PZP: variants seen among roughly 807,000 people sequenced by gnomAD.
PZP encodes the protein PZP alpha-2-macroglobulin like.
A neutral mutation model predicts 179.8 loss-of-function variants in PZP; 150 were observed. The observed-to-expected ratio is 0.83, with a 90% CI of 0.73 to 0.96. PZP has a LOEUF of 0.96. Ranked by LOEUF, PZP falls within the 40% of genes least tolerant of loss-of-function variation. PZP has a pLI of 0.00. For missense variants in PZP, 1,689 were observed against 1,764.0 expected (o/e 0.96, Z 0.76); for synonymous variants, 624 against 652.3 (o/e 0.96, Z 0.66).
At chr12:9,207,176 C>T (rs1944476432) in intron 1 of PZP, among the ~76,000 whole-genome samples, 1 of 152,176 alleles carries the variant, frequency 6.6e-6, no homozygotes. Context: ...ACACACAGAG[C>T]AGAGGGACCC....
chr12:9,151,179 C>T (rs1940327264), intron 33 of PZP, among the ~76,000 whole-genome samples: 1 of 152,104 alleles, frequency 6.6e-6, no homozygotes, highest in African/African-American at 2.4e-5. Flanking sequence ...AGAATGTTAA[C>T]ATTATCATTA....
the PZP span, among the ~76,000 whole-genome samples, chr12:9,142,883 T>G: frequency 6.6e-6 from 1 of 152,188 alleles, no homozygotes; most frequent in African/African-American, 2.4e-5. Flanking sequence ...TGTGGCAACT[T>G]TTCTGTTTTC....
At position 9,203,806 on chromosome 12, in the gene PZP, C is replaced by A; in HGVS notation, c.229G>T (p.Val77Leu). The A allele has an allele frequency of 6.2e-7, 1 of 1,614,132 alleles. No homozygotes were observed. Among genetic ancestry groups the A allele is most frequent in the Non-Finnish European group, 8.5e-7 (1 of 1,180,032 alleles). The part of the protein sequence containing the change: ...RENRSLFTDL[V>L]AEKDLFHCVS... The stretch of plus-strand genomic sequence containing the variant: ...CAGTGGAATAAGTCCTTCTCCGCCA[C>A]CAGGTCAGTGAAGAGGCTCCTGTTT... The change falls in exon 2 of 36, where the codon GTG (valine) becomes TTG (leucine). Residue 77 changes from valine (V) to leucine (L), a missense_variant. Physicochemically the swap from Val to Leu is conservative, Grantham distance 32 (BLOSUM62 1). This residue lies in a region of PZP where 742 missense variants were observed against 730.5 expected (regional missense o/e 1.02). Transcript: ENST00000261336.
intron 17 of PZP, chr12:9,167,257 C>A (rs1444669238): frequency 6.6e-6 from 1 of 152,204 alleles, no homozygotes; most frequent in African/African-American, 2.4e-5. Context: ...CCAGTTATTG[C>A]AGTTAACAAA....
At position 9,154,685 on chromosome 12, in the gene PZP, G is replaced by T. The variant is rs371311040; in HGVS notation, c.3705C>A (p.Thr1235=). 42 of 1,614,080 alleles carry T rather than the reference G, an allele frequency of 2.6e-5. No homozygotes were observed. Among genetic ancestry groups the T allele is most frequent in the Non-Finnish European group, 3.5e-5 (41 of 1,180,058 alleles). Residue 1235 remains threonine, a synonymous_variant, in exon 29 of 36, where the codon ACC becomes ACA. Transcript: ENST00000261336. ...TCCACTTCACAATGTTAGTTGCAGAGGTCAGGTCCCCTGAGGTGGGGGCTG... is the reference window on the plus strand; with the variant it reads ...TCCACTTCACAATGTTAGTTGCAGATGTCAGGTCCCCTGAGGTGGGGGCTG... ...AQPAPTSGDL[T]SATNIVKWIM...
rs189169674 is a variant in PZP at position 9,203,621 on chromosome 12, G to A, written c.267+147C>T. The A allele has an allele frequency of 1.0e-5, 9 of 886,322 alleles. No individual in the cohort carries two copies. In the East Asian group the frequency reaches 1.7e-4, roughly 16 times the overall value. 54.9% of individuals were successfully genotyped at this position (886,322 alleles called of 1,614,324 possible). ...TTCCCAAAGTGCTGGGATTACAGGC[G>A]TGAGCCACCGCACCTGGCCCCTGAA... On this transcript the variant is annotated intron_variant, in intron 2 of 35. Transcript: ENST00000261336.
chr12:9,159,854 G>T, intron 25 of PZP, 84 bp downstream of exon 25: 1 of 1,185,280 alleles, frequency 8.4e-7, no homozygotes, highest in Non-Finnish European at 1.2e-6. Context: ...TCTGTTATAA[G>T]CAACAGAAAA....
chr12:9,185,303 A>G (rs1943032088), intron 13 of PZP, among the ~76,000 whole-genome samples: 1 of 152,250 alleles, frequency 6.6e-6, no homozygotes, highest in South Asian at 2.1e-4. Context: ...TATTAACAGC[A>G]GAACAGACCA....
chr12:9,168,187 A>G (rs1412724137), intron 17 of PZP, among the ~76,000 whole-genome samples: 1 of 152,192 alleles, frequency 6.6e-6, no homozygotes, highest in African/African-American at 2.4e-5. Flanking sequence ...AATTCCTTCA[A>G]TTTATTAATG....
rs1233467449 is a variant in PZP at position 9,159,991 on chromosome 12, A to G, written c.3084T>C (p.Asp1028=). The change falls in exon 25 of 36, where the codon GAT becomes GAC. Residue 1028 remains aspartate, a synonymous_variant. Transcript: ENST00000261336. The part of the protein sequence containing the change: ...YQRQLNYKHQ[D]GSYSTFGERY... Reference sequence around the variant, plus strand: ...GTTCCCCAAAGGTGCTGTAGGAGCCATCTTGGTGTTTGTAGTTCAGCTGTC... The same window carrying G: ...GTTCCCCAAAGGTGCTGTAGGAGCCGTCTTGGTGTTTGTAGTTCAGCTGTC... 1.2e-6 allele frequency: 2 copies of G among 1,613,828 alleles called. No individual in the cohort carries two copies. The highest frequency in any genetic ancestry group is 1.3e-5 in the African/African-American group (1 of 74,856).
intron 21 of PZP, among the ~76,000 whole-genome samples, chr12:9,163,350 G>A (rs2120707180): frequency 6.6e-6 from 1 of 151,616 alleles, no homozygotes; most frequent in Admixed American, 6.6e-5. Flanking sequence ...CTACTCGGGA[G>A]GCTGAGGCAG....
downstream of PZP, among the ~76,000 whole-genome samples, chr12:9,148,458 CTCTT>C (rs887532669): frequency 2.6e-5 from 4 of 152,018 alleles, no homozygotes; most frequent in Non-Finnish European, 5.9e-5. Context: ...TCACTCTCAT[CTCTT>C]TATTTTTTTA....
At chr12:9,173,322 C>G (rs1565641754) in intron 15 of PZP, among the ~76,000 whole-genome samples, 1 of 152,158 alleles carries the variant, frequency 6.6e-6, no homozygotes, top group African/African-American at 2.4e-5. Context: ...GCAGCTAAAA[C>G]AGTGTTAAGT....
intron 1 of PZP, among the ~76,000 whole-genome samples, chr12:9,205,686 A>G (rs1385901219): frequency 2.6e-5 from 4 of 152,212 alleles, no homozygotes; most frequent in Non-Finnish European, 5.9e-5. Flanking sequence ...TTGCAAGTAA[A>G]AACTATTATT....
the PZP span, among the ~76,000 whole-genome samples, chr12:9,143,667 G>A: frequency 6.6e-6 from 1 of 152,052 alleles, no homozygotes; most frequent in African/African-American, 2.4e-5. Flanking sequence ...AGGTCCCTGA[G>A]AATTTGAAAA....
At chr12:9,174,935 A>G (rs1942261721) in intron 15 of PZP, among the ~76,000 whole-genome samples, 1 of 152,218 alleles carries the variant, frequency 6.6e-6, no homozygotes, top group Non-Finnish European at 1.5e-5. Flanking sequence ...TACCATTGAC[A>G]TTCTTCACAG....
intron 6 of PZP, 58 bp downstream of exon 6, chr12:9,200,834 T>G: frequency 6.5e-7 from 1 of 1,528,884 alleles, no homozygotes; most frequent in Non-Finnish European, 8.9e-7. Context: ...AGGATCTAAG[T>G]GAGCTCACAC....
chr12:9,152,600 G>T (rs2120527517), intron 31 of PZP, among the ~76,000 whole-genome samples: 1 of 152,200 alleles, frequency 6.6e-6, no homozygotes, highest in Admixed American at 6.5e-5. Flanking sequence ...TATGGTTTTT[G>T]CACACCTCAC....
the PZP span, among the ~76,000 whole-genome samples, chr12:9,143,745 C>T: frequency 2.0e-5 from 3 of 152,128 alleles, no homozygotes. Context: ...GGCCACGTTG[C>T]AATAAAAAGC....
Sources: gnomAD v4.1 joint callset for allele counts (sites outside exome capture counted in the v4.1 genomes callset) on GRCh38, gnomAD v4.1.1 for gene constraint, gnomAD v4.1.1 regional missense constraint, MANE v1.5 for transcripts, NCBI Gene and HGNC (gene_info 2026-07-23, HGNC 2026-07-21) for gene names.